Variants in PUDP observed in about 807,000 individuals in gnomAD.
The protein encoded by PUDP is pseudouridine-5'-phosphatase.
In PUDP, 8 loss-of-function variants were observed where a neutral mutation model predicts 9.4. That is an observed-to-expected ratio of 0.85 (90% confidence interval 0.50 to 1.53). PUDP has a LOEUF of 1.53. PUDP is among the 40% of genes most tolerant of loss of function. PUDP has a pLI of 0.00. For synonymous variants in PUDP, 99 were observed against 80.7 expected (o/e 1.23, Z -1.22); for missense variants, 188 against 189.7 (o/e 0.99, Z 0.05).
intron 3 of PUDP, among the ~76,000 whole-genome samples, chrX:6,846,870 T>A (rs1157247541): frequency 9.0e-6 from 1 of 111,327 alleles, no homozygotes; most frequent in Non-Finnish European, 1.9e-5. Context: ...CCAGTGCATG[T>A]TCCTTCTGTG....
chrX:7,058,049 G>A (rs886765005), intron 3 of PUDP, among the ~76,000 whole-genome samples: 3 of 111,269 alleles, frequency 2.7e-5, no homozygotes, highest in East Asian at 2.9e-4. Context: ...TCAACAGCAC[G>A]TCCCATCGGG....
chrX:7,102,317 C>CAA (rs201420593), intron 2 of PUDP, among the ~76,000 whole-genome samples: 9 of 56,629 alleles, frequency 1.6e-4, no homozygotes, highest in Non-Finnish European at 3.0e-4. Flanking sequence ...AATAAGGAAC[C>CAA]AAAAAAAAAA....
chrX:6,908,379 C>G (rs1927799698), intron 3 of PUDP, among the ~76,000 whole-genome samples: 1 of 112,056 alleles, frequency 8.9e-6, no homozygotes, highest in African/African-American at 3.2e-5. Context: ...CTAAGAGCAC[C>G]CTTAAGTTTG....
intron 1 of PUDP, among the ~76,000 whole-genome samples, chrX:7,001,922 A>G (rs1190077251): frequency 8.9e-6 from 1 of 111,813 alleles, no homozygotes; most frequent in East Asian, 2.8e-4. Flanking sequence ...TCTTAAATCA[A>G]ATAAAATAAT....
At chrX:6,905,645 A>C (rs1927756141) in intron 3 of PUDP, among the ~76,000 whole-genome samples, 2 of 111,296 alleles carry the variant, frequency 1.8e-5, no homozygotes, top group Non-Finnish European at 3.8e-5. Context: ...TCAACACATG[A>C]GGATTACAAT....
rs772060454 is a variant in PUDP at position 6,768,925 on chromosome X, G to A, written c.*248-62459C>T. Among the ~76,000 whole-genome samples, 466 of 111,897 alleles carry A rather than the reference G, an allele frequency of 4.2e-3. 4 individuals are homozygous for A. The highest frequency in any genetic ancestry group is 6.0e-3 in the Non-Finnish European group (321 of 53,199). On this transcript the variant is annotated intron_variant and NMD_transcript_variant, in intron 3 of 3. Coordinates refer to the PUDP transcript ENST00000655425. ...TGGTGGTGTTTACTCAAGCCCCAGA[G>A]AAAAGGCCGCCATACCATTGAAACT...
At chrX:6,880,812 A>G (rs1927336002) in intron 3 of PUDP, among the ~76,000 whole-genome samples, 1 of 111,806 alleles carries the variant, frequency 8.9e-6, no homozygotes, top group Non-Finnish European at 1.9e-5. Flanking sequence ...TCTGCCATCT[A>G]CTATATCATT....
At chrX:7,112,238 A>G in intron 1 of PUDP, among the ~76,000 whole-genome samples, 1 of 112,017 alleles carries the variant, frequency 8.9e-6, no homozygotes, top group African/African-American at 3.2e-5. Context: ...CTCTTCAAGC[A>G]CTTCCCTATA....
intron 1 of PUDP, among the ~76,000 whole-genome samples, chrX:6,979,984 G>A (rs1417747124): frequency 1.8e-5 from 2 of 110,672 alleles, no homozygotes; most frequent in Non-Finnish European, 3.8e-5. Context: ...ACATGTGCAG[G>A]TTTGTTACTT....
At chrX:6,851,783 A>G (rs1229091335) in intron 3 of PUDP, among the ~76,000 whole-genome samples, 3 of 111,216 alleles carry the variant, frequency 2.7e-5, no homozygotes, top group Non-Finnish European at 1.9e-5. Flanking sequence ...CCAACTGTGG[A>G]ATCAGGGACA....
intron 2 of PUDP, chrX:7,084,948 C>T (rs917702784): frequency 8.9e-5 from 10 of 111,807 alleles, no homozygotes; most frequent in Non-Finnish European, 1.9e-4. Flanking sequence ...TCTCATGAAG[C>T]GGTTAGCATT....
At chrX:7,045,207 T>C (rs1602726900), downstream of PUDP, among the ~76,000 whole-genome samples, 1 of 112,623 alleles carries the variant, frequency 8.9e-6, no homozygotes, top group East Asian at 2.8e-4. Context: ...GTGAAGAAGG[T>C]ACTTGCTTCT....
chrX:6,963,560 A>G (rs1158593139), intron 3 of PUDP, among the ~76,000 whole-genome samples: 6 of 111,937 alleles, frequency 5.4e-5, no homozygotes, highest in Non-Finnish European at 3.8e-5. Context: ...ACCCACATAC[A>G]TCTGGCATCA....
At position 6,976,817 on chromosome X, in the gene PUDP, A is replaced by G. The variant is rs191693480; in HGVS notation, c.*247+316T>C. On this transcript the variant is annotated intron_variant and NMD_transcript_variant, in intron 3 of 3. Transcript: ENST00000655425. ...AGACTTCAACCCCCTATTACTTTCT[A>G]TGGATGAAAATCAAAGCTTCTGCTG... 8.0e-5 allele frequency among the ~76,000 whole-genome samples: 9 copies of G among 111,890 alleles called. No homozygotes were observed. In the East Asian group the frequency reaches 2.5e-3, roughly 32 times the overall value.
At chrX:7,009,485 T>A (rs1040136802) in intron 1 of PUDP, among the ~76,000 whole-genome samples, 1 of 112,524 alleles carries the variant, frequency 8.9e-6, no homozygotes, top group African/African-American at 3.2e-5. Flanking sequence ...AAAAGACCAA[T>A]TAATTCTTCG....
intron 3 of PUDP, among the ~76,000 whole-genome samples, chrX:6,817,090 A>ATT (rs1926263445): frequency 9.5e-6 from 1 of 105,203 alleles, no homozygotes; most frequent in Non-Finnish European, 1.9e-5. Flanking sequence ...ATATATATAT[A>ATT]TTTTGAGATA....
chrX:6,811,388 C>T (rs957784097), intron 3 of PUDP, among the ~76,000 whole-genome samples: 1 of 110,775 alleles, frequency 9.0e-6, no homozygotes, highest in African/African-American at 3.3e-5. Flanking sequence ...GACCTCGGCT[C>T]ACTGCAACCT....
At chrX:6,734,227 G>A (rs887289205) in intron 3 of PUDP, among the ~76,000 whole-genome samples, 10 of 111,269 alleles carry the variant, frequency 9.0e-5, no homozygotes, top group Non-Finnish European at 1.7e-4. Flanking sequence ...TTATCCAAAG[G>A]GTATGAAGTT....
In PUDP at chrX:7,102,088, C is replaced by T. The variant is rs926688020; in HGVS notation, c.280+3532G>A. On this transcript the variant is annotated intron_variant, in intron 2 of 3. Transcript: ENST00000381077. ...AGAAAACCTCCCCACAAAGAAAAGC[C>T]CAGGACCAGATGGCTTCACTGGAGA... is the stretch of plus-strand genomic sequence containing the variant. 3.6e-5 allele frequency among the ~76,000 whole-genome samples: 4 copies of T among 110,310 alleles called. No homozygotes were observed. The Admixed American group carries it at 3.9e-4, about 11-fold the overall frequency.
Sources: allele counts gnomAD v4.1 joint callset (sites outside exome capture counted in the v4.1 genomes callset), GRCh38; gene constraint gnomAD v4.1.1; transcripts MANE v1.5; gene names NCBI Gene and HGNC (gene_info 2026-07-23, HGNC 2026-07-21).